Variants in EXOC6B observed in about 807,000 individuals in gnomAD.
EXOC6B encodes SEC15 homolog B.
In EXOC6B, 54 loss-of-function variants were observed where a neutral mutation model predicts 113.5. The ratio of observed to expected loss-of-function variants is 0.48; its 90% CI spans 0.38 to 0.60. The LOEUF (loss-of-function observed/expected upper bound fraction) is 0.60. Ranked by LOEUF, EXOC6B falls within the 20% of genes least tolerant of loss-of-function variation. The probability of loss-of-function intolerance (pLI) is 0.00; values close to 1 mark genes in which losing one functional copy is unlikely to be tolerated. For missense variants in EXOC6B, 797 were observed against 977.5 expected, an observed-to-expected ratio of 0.82 and a Z score of 2.46; for synonymous variants, 357 against 339.0, an observed-to-expected ratio of 1.05 and a Z score of -0.58.
At position 72,310,164 on chromosome 2, in the gene EXOC6B, T is replaced by C. The variant is rs114575480; in HGVS notation, c.2196+24783A>G. ...TTTCAGTATATGTCCAGGAAGGACA[T>C]TCCTGGGTCATATGGTAATTCTGTT... On this transcript the variant is annotated intron_variant, in intron 20 of 21. Coordinates refer to ENST00000272427, the MANE Select transcript of EXOC6B (RefSeq NM_015189.3). Among the ~76,000 whole-genome samples, 1,008 of 152,290 alleles carry C rather than the reference T, an allele frequency of 6.6e-3. 13 individuals are homozygous for C. Among genetic ancestry groups the C allele is most frequent in the African/African-American group, 0.022 (916 of 41,560 alleles).
chr2:72,282,454 G>A (rs1392937327), intron 20 of EXOC6B, among the ~76,000 whole-genome samples: 5 of 150,432 alleles, frequency 3.3e-5, no homozygotes, highest in Non-Finnish European at 7.4e-5. Flanking sequence ...TAAAAGTAGA[G>A]CAATAAAATA....
chr2:72,491,906 T>C (rs541927697), intron 16 of EXOC6B, among the ~76,000 whole-genome samples: 2 of 152,254 alleles, frequency 1.3e-5, no homozygotes, highest in South Asian at 2.1e-4. Context: ...AGAACTATGA[T>C]TGCATTATCC....
intron 8 of EXOC6B, among the ~76,000 whole-genome samples, chr2:72,551,348 C>G (rs1703210933): frequency 6.6e-6 from 1 of 151,272 alleles, no homozygotes; most frequent in Non-Finnish European, 1.5e-5. Flanking sequence ...CAGGTGTGTG[C>G]CACCACACCC....
intron 20 of EXOC6B, among the ~76,000 whole-genome samples, chr2:72,266,239 G>T (rs1282559774): frequency 4.6e-5 from 7 of 150,650 alleles, no homozygotes; most frequent in South Asian, 2.1e-4. Flanking sequence ...CTTTTGCTGT[G>T]CAGAAGCTCT....
chr2:72,177,872 C>G lies in EXOC6B; in HGVS notation c.*1463G>C, dbSNP rs1370777226. ...TTGTTTGGTGATGCACAATTATACTCTTGCCACTAGCCATCTTTCTGCTAC... is the reference window on the plus strand; with the variant it reads ...TTGTTTGGTGATGCACAATTATACTGTTGCCACTAGCCATCTTTCTGCTAC... On this transcript the variant is annotated 3_prime_UTR_variant, in exon 22 of 22. Transcript: ENST00000272427. 6.6e-6 allele frequency: 1 copy of G among 152,324 alleles called. No homozygotes were observed. The highest frequency in any genetic ancestry group is 1.9e-4 in the East Asian group (1 of 5,180). 9.4% of individuals were successfully genotyped at this position (152,324 alleles called of 1,614,324 possible).
intron 19 of EXOC6B, among the ~76,000 whole-genome samples, chr2:72,341,669 T>A (rs1159394400): frequency 6.6e-6 from 1 of 152,194 alleles, no homozygotes; most frequent in East Asian, 1.9e-4. Flanking sequence ...ACCACATTTT[T>A]AACAGTGGAT....
chr2:72,398,123 C>T (rs944426774), intron 18 of EXOC6B, among the ~76,000 whole-genome samples: 1 of 152,134 alleles, frequency 6.6e-6, no homozygotes, highest in East Asian at 1.9e-4. Context: ...AGTACACTGC[C>T]CTTTCTGATG....
chr2:72,752,772 T>C (rs1443290309), intron 1 of EXOC6B, among the ~76,000 whole-genome samples: 4 of 152,130 alleles, frequency 2.6e-5, no homozygotes, highest in Non-Finnish European at 5.9e-5. Flanking sequence ...TCAAATCAAA[T>C]ATTCACTTTT....
chr2:72,639,423 G>T (rs1164631272), intron 6 of EXOC6B, among the ~76,000 whole-genome samples: 1 of 152,166 alleles, frequency 6.6e-6, no homozygotes, highest in Non-Finnish European at 1.5e-5. Flanking sequence ...GCCATCAAGG[G>T]CCCCGTACAC....
intron 6 of EXOC6B, among the ~76,000 whole-genome samples, chr2:72,598,615 T>C (rs965723438): frequency 2.2e-4 from 34 of 152,080 alleles, no homozygotes; most frequent in Non-Finnish European, 4.1e-4. Flanking sequence ...GCTGGTTCTT[T>C]GAAAAGACTG....
chr2:72,506,532 C>T (rs1030603525), intron 11 of EXOC6B, among the ~76,000 whole-genome samples: 9 of 152,100 alleles, frequency 5.9e-5, no homozygotes, highest in South Asian at 2.1e-4. Flanking sequence ...TATTTCCCTT[C>T]GATTTAGCTG....
Position 72,446,298 on chromosome 2 carries a change from GA to G in EXOC6B, c.1980+18861del, listed in dbSNP as rs148895327. Reference sequence around the variant, plus strand: ...GGAGGCTGAGGCAGGAGAATCACTTGAACCCAGGAGGTGGAGGCCGCGGTGA... The same window carrying G: ...GGAGGCTGAGGCAGGAGAATCACTTGACCCAGGAGGTGGAGGCCGCGGTGA... On this transcript the variant is annotated intron_variant, in intron 18 of 21. Coordinates refer to ENST00000272427, the MANE Select transcript of EXOC6B (RefSeq NM_015189.3). Among the ~76,000 whole-genome samples, 738 of 151,782 alleles carry G rather than the reference GA, an allele frequency of 4.9e-3. 8 individuals are homozygous for G. The highest frequency in any genetic ancestry group is 0.017 in the African/African-American group (686 of 41,370).
At chr2:72,415,150 T>C (rs1411922046) in intron 18 of EXOC6B, among the ~76,000 whole-genome samples, 1 of 152,156 alleles carries the variant, frequency 6.6e-6, no homozygotes, top group Non-Finnish European at 1.5e-5. Context: ...AAGACTCAGG[T>C]ATTCATTTAC....
rs539985768 is a variant in EXOC6B at position 72,700,616 on chromosome 2, C to T, written c.669+17487G>A. 3.5e-4 allele frequency among the ~76,000 whole-genome samples: 53 copies of T among 152,264 alleles called. 1 individual carries two copies. The highest frequency in any genetic ancestry group is 1.0e-3 in the African/African-American group (43 of 41,534). ...AAGTTCTGGAAATGGACAGTGTTGA[C>T]GACTGCACAACCATGTGAATGTTCT... On this transcript the variant is annotated intron_variant, in intron 6 of 21. Coordinates refer to ENST00000272427, the MANE Select transcript of EXOC6B (RefSeq NM_015189.3).
At chr2:72,313,353 G>C (rs925452584) in intron 20 of EXOC6B, among the ~76,000 whole-genome samples, 3 of 152,000 alleles carry the variant, frequency 2.0e-5, no homozygotes, top group Non-Finnish European at 4.4e-5. Flanking sequence ...TGCACATCCT[G>C]CACATGTACC....
In EXOC6B at chr2:72,335,313, T is replaced by C. The variant is rs1353343488; in HGVS notation, c.2123-293A>G. The stretch of plus-strand genomic sequence containing the variant: ...TTGTTTTGTGAATGGACAAACAACT[T>C]GCAAAGGAGGAGGGAGTGGGGGAGA... On this transcript the variant is annotated intron_variant, in intron 19 of 21. Coordinates refer to ENST00000272427, the MANE Select transcript of EXOC6B (RefSeq NM_015189.3). 4 of 265,980 alleles carry C rather than the reference T, an allele frequency of 1.5e-5. No individual in the cohort carries two copies. In the East Asian group the frequency reaches 2.3e-4, roughly 15 times the overall value. 16.5% of individuals were successfully genotyped at this position (265,980 alleles called of 1,614,324 possible). A position where few individuals can be genotyped will look rare whatever the true frequency, so the allele number is the denominator to read the frequency against.
intron 1 of EXOC6B, among the ~76,000 whole-genome samples, chr2:72,777,475 T>A (rs1191851669): frequency 3.3e-5 from 5 of 152,022 alleles, no homozygotes; most frequent in Non-Finnish European, 7.4e-5. Flanking sequence ...CTGGCAAAAC[T>A]ATCCTCTGAA....
At chr2:72,667,430 C>T (rs983580827) in intron 6 of EXOC6B, among the ~76,000 whole-genome samples, 7 of 152,002 alleles carry the variant, frequency 4.6e-5, no homozygotes, top group African/African-American at 1.7e-4. Context: ...CAATCATAAG[C>T]AAAAGGACAA....
intron 18 of EXOC6B, among the ~76,000 whole-genome samples, chr2:72,380,425 G>A (rs532019060): frequency 1.3e-5 from 2 of 152,118 alleles, no homozygotes; most frequent in Non-Finnish European, 1.5e-5. Context: ...AGATCACAAG[G>A]TCAGGAGATC....
Sources: allele counts gnomAD v4.1 joint callset (sites outside exome capture counted in the v4.1 genomes callset), GRCh38; gene constraint gnomAD v4.1.1; transcripts MANE v1.5; gene names NCBI Gene and HGNC (gene_info 2026-07-23, HGNC 2026-07-21).